The following PTCHD4 variants were observed in gnomAD, a reference collection of about 807,000 sequenced individuals.
The protein encoded by PTCHD4 is patched domain-containing protein 4.
A neutral mutation model predicts 58.1 loss-of-function variants in PTCHD4; 33 were observed. The observed-to-expected ratio is 0.57, with a 90% CI of 0.43 to 0.76. The LOEUF is 0.76. Ranked by LOEUF, PTCHD4 falls within the 30% of genes least tolerant of loss-of-function variation. The pLI is 0.00. For synonymous variants in PTCHD4, 478 were observed against 409.6 expected, an observed-to-expected ratio of 1.17 and a Z score of -2.02; for missense variants, 1,058 against 1,027.1, an observed-to-expected ratio of 1.03 and a Z score of -0.41.
At position 47,862,545 on chromosome 6, in the gene PTCHD4, T is replaced by A. The variant is rs960864110; in HGVS notation, c.*15758A>T. ...AATTTTTTTCTTCATATTTTACTAT[T>A]TATGGTCTAGTTTAACTTGGTTTCC... On this transcript the variant is annotated 3_prime_UTR_variant, in exon 5 of 5. Coordinates refer to ENST00000339488, the MANE Select transcript of PTCHD4 (RefSeq NM_001384253.1). Among the ~76,000 whole-genome samples the A allele has an allele frequency of 6.6e-6, 1 of 151,822 alleles. No homozygotes were observed. The highest frequency in any genetic ancestry group is 2.4e-5 in the African/African-American group (1 of 41,408).
intron 1 of PTCHD4, among the ~76,000 whole-genome samples, chr6:48,092,147 T>C (rs1161027245): frequency 3.3e-5 from 5 of 152,184 alleles, no homozygotes; most frequent in Non-Finnish European, 7.3e-5. Flanking sequence ...ATTCTCTGAG[T>C]TCAGTGGTTT....
In PTCHD4 at chr6:48,100,630, G is replaced by T. The variant is rs577015357; in HGVS notation, c.-970+10419C>A. Among the ~76,000 whole-genome samples the T allele has an allele frequency of 7.2e-5, 11 of 152,248 alleles. No individual in the cohort carries two copies. The South Asian group carries it at 2.1e-3, about 29-fold the overall frequency. On this transcript the variant is annotated intron_variant, in intron 1 of 4. Transcript: ENST00000339488. ...GGAGCTGCAAGAATAAGAAGCCTGA[G>T]AAAATGATGACAATAAAGAGAGGAA...
At chr6:48,026,643 C>T (rs998002346) in intron 3 of PTCHD4, among the ~76,000 whole-genome samples, 3 of 152,044 alleles carry the variant, frequency 2.0e-5, no homozygotes, top group African/African-American at 7.2e-5. Context: ...CCCTATGCTC[C>T]ACTGGAAGCT....
intron 4 of PTCHD4, among the ~76,000 whole-genome samples, chr6:47,897,940 C>CTTTTTTTTTTTTT (rs67063892): frequency 1.4e-4 from 11 of 76,342 alleles, no homozygotes; most frequent in Admixed American, 5.8e-4. Context: ...TTCTTTCTTT[C>CTTTTTTTTTTTTT]TTTTTTTTTT....
chr6:47,879,967 A>G, intron 4 of PTCHD4, 31 bp from the exon 5 acceptor site: 1 of 1,411,644 alleles, frequency 7.1e-7, no homozygotes, highest in South Asian at 1.5e-5. Context: ...AATAATAATT[A>G]TTTTTATTTC....
At chr6:48,089,595 C>T (rs1344392740) in intron 1 of PTCHD4, among the ~76,000 whole-genome samples, 1 of 152,048 alleles carries the variant, frequency 6.6e-6, no homozygotes, top group African/African-American at 2.4e-5. Flanking sequence ...CCTTTATTGA[C>T]CCGTTATTGA....
intron 4 of PTCHD4, among the ~76,000 whole-genome samples, chr6:47,954,528 C>A (rs1766778439): frequency 6.6e-6 from 1 of 152,124 alleles, no homozygotes; most frequent in Admixed American, 6.5e-5. Flanking sequence ...TCTTATGAAA[C>A]CTGTGTCTAG....
At chr6:48,061,525 T>A (rs1343031508) in intron 3 of PTCHD4, among the ~76,000 whole-genome samples, 1 of 152,178 alleles carries the variant, frequency 6.6e-6, no homozygotes, top group African/African-American at 2.4e-5. Flanking sequence ...GAGTTTTAGA[T>A]CTGAGCGTCT....
At chr6:48,072,724 G>T (rs1764997384) in intron 1 of PTCHD4, among the ~76,000 whole-genome samples, 1 of 152,030 alleles carries the variant, frequency 6.6e-6, no homozygotes, top group South Asian at 2.1e-4. Context: ...ATAACTATCT[G>T]CATCTATATT....
chr6:48,012,784 G>A (rs762114254), intron 3 of PTCHD4, among the ~76,000 whole-genome samples: 1 of 152,136 alleles, frequency 6.6e-6, no homozygotes, highest in South Asian at 2.1e-4. Flanking sequence ...TAGCATGAAG[G>A]GGTGTTTAAT....
chr6:47,940,991 T>C (rs1026218014), intron 4 of PTCHD4, among the ~76,000 whole-genome samples: 6 of 152,192 alleles, frequency 3.9e-5, no homozygotes, highest in East Asian at 3.9e-4. Context: ...TTCCAGACCT[T>C]TTATTACTTG....
In PTCHD4 at chr6:48,008,977, G is replaced by A. The variant is rs534525025; in HGVS notation, c.555C>T (p.Asp185=). 1 of 1,613,962 alleles carries A rather than the reference G, an allele frequency of 6.2e-7. No individual in the cohort carries two copies. The change falls in exon 4 of 5, where the codon GAC becomes GAT. Residue 185 remains aspartate, a synonymous_variant. Transcript: ENST00000339488. ...YLQTYGSATQ[D]LIGEKWENEF... ...CATTCTCCCACTTCTCCCCTATGAG[G>A]TCTTGGGTGGCAGAGCCATAGGTCT... is the stretch of plus-strand genomic sequence containing the variant.
At chr6:48,065,425 CA>C (rs1294967127) in intron 3 of PTCHD4, among the ~76,000 whole-genome samples, 3 of 152,134 alleles carry the variant, frequency 2.0e-5, no homozygotes, top group African/African-American at 7.2e-5. Context: ...TAAAAAAATA[CA>C]TATAAAAATT....
At position 47,876,635 on chromosome 6, in the gene PTCHD4, G is replaced by T. The variant is rs1166892452; in HGVS notation, c.*1668C>A. On this transcript the variant is annotated 3_prime_UTR_variant, in exon 5 of 5. Coordinates refer to ENST00000339488, the MANE Select transcript of PTCHD4 (RefSeq NM_001384253.1). ...AATTTGATTAAAACATAGAACCAAA[G>T]TTGATGGGAAGTAGTAGCTTTCTTC... Among the ~76,000 whole-genome samples the T allele has an allele frequency of 6.6e-6, 1 of 151,972 alleles. No homozygotes were observed. Among genetic ancestry groups the T allele is most frequent in the East Asian group, 1.9e-4 (1 of 5,156 alleles).
At chr6:47,931,080 C>A (rs1034007283) in intron 4 of PTCHD4, among the ~76,000 whole-genome samples, 1 of 152,212 alleles carries the variant, frequency 6.6e-6, no homozygotes, top group Non-Finnish European at 1.5e-5. Context: ...CCACCGCACC[C>A]GGCCGAGCAT....
At position 47,866,264 on chromosome 6, in the gene PTCHD4, T is replaced by G. The variant is rs1336779731; in HGVS notation, c.*12039A>C. On this transcript the variant is annotated 3_prime_UTR_variant, in exon 5 of 5. Transcript: ENST00000339488. ...GTTGACTTGGTTGTCTAAGCCACTG[T>G]TTTTCAAATTGAGCCACACATTGAA... Among the ~76,000 whole-genome samples the G allele has an allele frequency of 6.6e-6, 1 of 151,880 alleles. No homozygotes were observed. The highest frequency in any genetic ancestry group is 1.5e-5 in the Non-Finnish European group (1 of 67,870).
chr6:48,074,549 C>G (rs1765027430), intron 1 of PTCHD4, among the ~76,000 whole-genome samples: 1 of 152,246 alleles, frequency 6.6e-6, no homozygotes, highest in African/African-American at 2.4e-5. Context: ...AAATCAATCA[C>G]TGGTGAGAGG....
intron 4 of PTCHD4, among the ~76,000 whole-genome samples, chr6:47,968,178 A>G (rs1356373955): frequency 6.6e-6 from 1 of 152,092 alleles, no homozygotes; most frequent in Non-Finnish European, 1.5e-5. Flanking sequence ...TAACTTTAAT[A>G]TTACTGTATG....
intron 3 of PTCHD4, among the ~76,000 whole-genome samples, chr6:48,019,661 G>A (rs1248019888): frequency 6.6e-6 from 1 of 151,826 alleles, no homozygotes; most frequent in African/African-American, 2.4e-5. Flanking sequence ...GCGTTAACCC[G>A]GCAGGCGGAG....
Sources: allele counts gnomAD v4.1 joint callset (sites outside exome capture counted in the v4.1 genomes callset), GRCh38; gene constraint gnomAD v4.1.1; transcripts MANE v1.5; gene names NCBI Gene and HGNC (gene_info 2026-07-23, HGNC 2026-07-21).